Variants in DOCK1 observed in about 807,000 individuals in gnomAD.
DOCK1 encodes the protein dedicator of cytokinesis 1, also known as dedicator of cytokinesis protein 1.
Under a neutral mutation model 262.7 loss-of-function variants are expected in DOCK1, and 138 were observed. The ratio of observed to expected loss-of-function variants is 0.53; its 90% CI spans 0.46 to 0.61. The LOEUF is 0.61. DOCK1 is among the 20% of genes least tolerant of loss of function. The pLI is 0.00. For missense variants in DOCK1, 1,908 were observed against 2,370.7 expected (o/e 0.80, Z 4.05); for synonymous variants, 866 against 867.4 (o/e 1.00, Z 0.03).
chr10:126,992,364 T>G (rs2039851883), intron 6 of DOCK1, among the ~76,000 whole-genome samples: 1 of 152,204 alleles, frequency 6.6e-6, no homozygotes, highest in African/African-American at 2.4e-5. Context: ...TACAGTTTAC[T>G]ACTTTGATAG....
chr10:126,986,494 T>C (rs2039398894), intron 4 of DOCK1, among the ~76,000 whole-genome samples: 1 of 152,140 alleles, frequency 6.6e-6, no homozygotes, highest in Admixed American at 6.5e-5. Context: ...ACAAATTCAC[T>C]CTCTCCCCCT....
chr10:127,257,939 T>C (rs1175395735), intron 29 of DOCK1, among the ~76,000 whole-genome samples: 1 of 152,238 alleles, frequency 6.6e-6, no homozygotes, highest in Non-Finnish European at 1.5e-5. Context: ...GGTTTTATCA[T>C]TTCTGTAAGC....
chr10:127,343,681 C>T lies in DOCK1; in HGVS notation c.3159C>T (p.Phe1053=), dbSNP rs1453416900. The T allele has an allele frequency of 6.2e-7, 1 of 1,611,556 alleles. No homozygotes were observed. The highest frequency in any genetic ancestry group is 1.1e-5 in the South Asian group (1 of 89,992). The part of the protein sequence containing the change: ...WNNYFHLAVA[F]LTQESLQLEN... ...ACTACTTTCACCTGGCTGTTGCTTT[C>T]CTTACTCAAGAGTCCCTGCAACTGG... is the stretch of plus-strand genomic sequence containing the variant. Residue 1053 remains phenylalanine (F), a synonymous_variant, in exon 31 of 52, where the codon TTC becomes TTT. Coordinates refer to ENST00000623213, the MANE Select transcript of DOCK1 (RefSeq NM_001290223.2).
intron 33 of DOCK1, among the ~76,000 whole-genome samples, chr10:127,365,741 A>T (rs778184350): frequency 6.6e-6 from 1 of 152,138 alleles, no homozygotes; most frequent in Non-Finnish European, 1.5e-5. Context: ...CTTTTGTCTC[A>T]TGGCTGCCTT....
intron 5 of DOCK1, among the ~76,000 whole-genome samples, chr10:126,987,855 G>A (rs551471792): frequency 6.6e-6 from 1 of 152,304 alleles, no homozygotes; most frequent in Admixed American, 6.5e-5. Context: ...TGTAGCAGAA[G>A]GGACTGTAGG....
chr10:127,054,067 G>C (rs1350004147), intron 22 of DOCK1, among the ~76,000 whole-genome samples: 1 of 152,184 alleles, frequency 6.6e-6, no homozygotes, highest in East Asian at 1.9e-4. Flanking sequence ...ACCTATTAAC[G>C]AGAATAAGGA....
chr10:126,984,537 T>TG (rs2039218919), intron 4 of DOCK1, among the ~76,000 whole-genome samples: 1 of 147,616 alleles, frequency 6.8e-6, no homozygotes, highest in East Asian at 2.0e-4. Context: ...GTGTGTGTGT[T>TG]TTTTTTTTTT....
chr10:127,004,661 A>G (rs1034482577), intron 10 of DOCK1, among the ~76,000 whole-genome samples: 11 of 151,028 alleles, frequency 7.3e-5, no homozygotes, highest in African/African-American at 2.7e-4. Flanking sequence ...AGGTGGGGGG[A>G]TCACCTGAGC....
rs2048181286 is a variant in DOCK1 at position 127,100,550 on chromosome 10, C to T, written c.2446-5681C>T. Among the ~76,000 whole-genome samples, 1 of 151,994 alleles carries T rather than the reference C, an allele frequency of 6.6e-6. No homozygotes were observed. The highest frequency in any genetic ancestry group is 1.5e-5 in the Non-Finnish European group (1 of 67,992). ...GTGTTGGGCTCAGGAGGAAGGGGAG[C>T]CCTGGAGATGGATCAGAATTGGGAG... On this transcript the variant is annotated intron_variant, in intron 23 of 51. Transcript: ENST00000623213. This position sits in a 1 kb window ranked among gnomAD's most constrained non-coding sequence, Gnocchi z 5.5.
rs899262328 is a variant in DOCK1, at chr10:127,439,220, G to A, written c.5254G>A (p.Glu1752Lys). The change falls in exon 49 of 52, where the codon GAA (glutamate) becomes AAA (lysine). Residue 1752 changes from glutamate to lysine, a missense_variant. Physicochemically the swap from Glu to Lys is moderately conservative, Grantham distance 56 (BLOSUM62 1). Transcript: ENST00000623213. ...GCAGTCTGAGGCTGTGATCCTTTCG[G>A]AAACGGTAACCCGACAGGGTATCTT... ...LQQSEAVILS[E>K]TISPLRPQRP... 1 of 1,608,706 alleles carries A rather than the reference G, an allele frequency of 6.2e-7. No homozygotes were observed. The highest frequency in any genetic ancestry group is 8.5e-7 in the Non-Finnish European group (1 of 1,177,648).
At chr10:127,334,897 A>T (rs1047291059) in intron 29 of DOCK1, among the ~76,000 whole-genome samples, 49 of 152,142 alleles carry the variant, frequency 3.2e-4, no homozygotes, top group African/African-American at 1.0e-3. Flanking sequence ...ATCCCTAATG[A>T]GAAGTTTGCA....
chr10:127,165,633 A>C (rs77305391), intron 27 of DOCK1, among the ~76,000 whole-genome samples: 3,395 of 152,160 alleles, frequency 0.022, 120 homozygotes, highest in African/African-American at 0.074. Flanking sequence ...GTTCACATGG[A>C]TGTGGACATC....
rs765337221 is a variant in DOCK1, at chr10:127,409,029, C to T, written c.4123-8C>T. On this transcript the variant is annotated splice_region_variant and splice_polypyrimidine_tract_variant and intron_variant, in intron 40 of 51. Transcript: ENST00000623213. ...GTGGTGTTATGAAATGAATGTCACC[C>T]TTTTCAGGGAAAAGTTTTCATTTAC... 51 of 1,575,990 alleles carry T rather than the reference C, an allele frequency of 3.2e-5. No individual in the cohort carries two copies. Among genetic ancestry groups the T allele is most frequent in the African/African-American group, 2.6e-4 (19 of 74,064 alleles).
intron 43 of DOCK1, among the ~76,000 whole-genome samples, chr10:127,412,043 A>C (rs2067885306): frequency 2.0e-5 from 3 of 151,732 alleles, no homozygotes; most frequent in Admixed American, 1.3e-4. Context: ...GCTCACTGCA[A>C]GCTCCGCCTC....
intron 2 of DOCK1, among the ~76,000 whole-genome samples, chr10:126,972,499 A>G (rs1321243766): frequency 6.6e-6 from 1 of 152,204 alleles, no homozygotes; most frequent in Non-Finnish European, 1.5e-5. Flanking sequence ...TAGCATATGA[A>G]TAAAAAGGAT....
intron 27 of DOCK1, among the ~76,000 whole-genome samples, chr10:127,234,484 C>T (rs1260129002): frequency 6.6e-6 from 1 of 152,086 alleles, no homozygotes; most frequent in African/African-American, 2.4e-5. Flanking sequence ...ATGAAAACCA[C>T]AAAACATTCC....
intron 50 of DOCK1, among the ~76,000 whole-genome samples, chr10:127,445,474 T>A (rs2070477566): frequency 6.6e-6 from 1 of 152,216 alleles, no homozygotes; most frequent in African/African-American, 2.4e-5. Context: ...ACTGGATATG[T>A]CTTTGGAGGG....
At chr10:127,171,861 G>A (rs1048292600) in intron 27 of DOCK1, among the ~76,000 whole-genome samples, 1 of 152,004 alleles carries the variant, frequency 6.6e-6, no homozygotes, top group African/African-American at 2.4e-5. Flanking sequence ...CCGCCACCAC[G>A]CCCGACTAAT....
intron 48 of DOCK1, among the ~76,000 whole-genome samples, chr10:127,435,001 G>GC (rs1225328227): frequency 7.9e-5 from 12 of 152,100 alleles, no homozygotes; most frequent in Admixed American, 7.2e-4. Flanking sequence ...ATACTCATGG[G>GC]CCACCTTCTT....
Sources: gnomAD v4.1 joint callset for allele counts (sites outside exome capture counted in the v4.1 genomes callset) on GRCh38, gnomAD v4.1.1 for gene constraint, Gnocchi (gnomAD v3.1) non-coding constraint, MANE v1.5 for transcripts, NCBI Gene and HGNC (gene_info 2026-07-23, HGNC 2026-07-21) for gene names.